The following CD209 variants were observed in gnomAD, a reference collection of about 807,000 sequenced individuals.
CD209 encodes CD209 antigen.
Under a neutral mutation model 44.7 loss-of-function variants are expected in CD209, and 31 were observed. The observed-to-expected ratio is 0.69, with a 90% CI of 0.52 to 0.94. The LOEUF is 0.94. CD209 is among the 40% of genes least tolerant of loss of function. CD209 has a pLI of 0.00. For synonymous variants in CD209, 173 were observed against 181.3 expected (o/e 0.95, Z 0.37); for missense variants, 407 against 452.4 (o/e 0.90, Z 0.91).
At position 7,742,992 on chromosome 19, in the gene CD209, G is replaced by A. The variant is rs768949282; in HGVS notation, c.*47C>T. ...CAGTCCCAGAGATTTTGTGAAGGTC[G>A]AAGGATGGAGAGAAGGAACTGTAGC... On this transcript the variant is annotated 3_prime_UTR_variant, in exon 7 of 7. Coordinates refer to ENST00000315599, the MANE Select transcript of CD209 (RefSeq NM_021155.4). 53 of 1,425,654 alleles carry A rather than the reference G, an allele frequency of 3.7e-5. No homozygotes were observed. The highest frequency in any genetic ancestry group is 3.3e-4 in the South Asian group (29 of 87,366). The allele number at this position is 1,425,654 out of a possible 1,614,324, so 88.3% of individuals were successfully genotyped here. A position where few individuals can be genotyped will look rare whatever the true frequency, so the allele number is the denominator to read the frequency against.
chr19:7,746,640 A>G, intron 2 of CD209, 109 bp from the exon 3 acceptor site: 2 of 1,071,216 alleles, frequency 1.9e-6, no homozygotes, highest in South Asian at 2.7e-5. Context: ...CCCCAGCCCC[A>G]GCCCCCTCCA....
rs376229873 is a variant in CD209 at position 7,745,742 on chromosome 19, C to T, written c.524G>A (p.Arg175Gln). ...KMQEIYQELTRLKAAVGELPE... is the reference protein window; with the variant it reads ...KMQEIYQELTQLKAAVGELPE... ...AAGCTCACCCACTGCAGCCTTCAGC[C>T]GAGTCAGCTCCTGGTAGATCTCCTG... The change falls in exon 4 of 7, where the codon CGG (arginine) becomes CAG (glutamine). Residue 175 changes from arginine (R) to glutamine (Q), a missense_variant. Transcript: ENST00000315599. The T allele has an allele frequency of 1.0e-5, 16 of 1,600,706 alleles. No homozygotes were observed. The highest frequency in any genetic ancestry group is 2.2e-5 in the East Asian group (1 of 44,676).
chr19:7,745,022 G>A lies in CD209; in HGVS notation c.819C>T (p.Ser273=), dbSNP rs1412342169. The A allele has an allele frequency of 6.2e-7, 1 of 1,614,210 alleles. No individual in the cohort carries two copies. Residue 273 remains serine (S), a synonymous_variant, in exon 5 of 7, where the codon TCC becomes TCT. Coordinates refer to ENST00000315599, the MANE Select transcript of CD209 (RefSeq NM_021155.4). ...TGATGGAGTCGTGCCAGTTCCGCTG[G>A]GAGTTAGACATGAAGTAACAGTTTC... ...FQGNCYFMSN[S]QRNWHDSITA...
Position 7,746,500 on chromosome 19 carries a change from T to C in CD209, c.138A>G (p.Gln46=), listed in dbSNP as rs1182392174. The part of the protein sequence containing the change: ...GCLGHGPLVL[Q]LLSFTLLAGL... ...CAGCCAAGAGCGTGAAGGAGAGGAG[T>C]TGCAGCACCAGGGGACCATGGCCAA... The change falls in exon 3 of 7, where the codon CAA becomes CAG. Residue 46 remains glutamine (Q), a synonymous_variant. Coordinates refer to ENST00000315599, the MANE Select transcript of CD209 (RefSeq NM_021155.4). 6.2e-7 allele frequency: 1 copy of C among 1,612,808 alleles called. No homozygotes were observed. The highest frequency in any genetic ancestry group is 2.2e-5 in the East Asian group (1 of 44,828).
At position 7,740,607 on chromosome 19, in the gene CD209, A is replaced by T. The variant is rs1428102433; in HGVS notation, c.*2432T>A. On this transcript the variant is annotated 3_prime_UTR_variant, in exon 7 of 7. Transcript: ENST00000315599. ...CTCACAGAAAGAGGAGGACACTTTT[A>T]TTGAAAAACAACAACTAGAAAAGCT... 8.7e-6 allele frequency: 7 copies of T among 808,282 alleles called. No individual in the cohort carries two copies. The highest frequency in any genetic ancestry group is 1.6e-5 in the Non-Finnish European group (7 of 446,944). The allele number at this position is 808,282 out of a possible 1,614,324, so 50.1% of individuals were successfully genotyped here.
chr19:7,740,818 G>C lies in CD209; in HGVS notation c.*2221C>G. 4.0e-6 allele frequency: 3 copies of C among 757,254 alleles called. No homozygotes were observed. Among genetic ancestry groups the C allele is most frequent in the South Asian group, 1.4e-5 (1 of 71,870 alleles). 46.9% of individuals were successfully genotyped at this position (757,254 alleles called of 1,614,324 possible). On this transcript the variant is annotated 3_prime_UTR_variant, in exon 7 of 7. Coordinates refer to ENST00000315599, the MANE Select transcript of CD209 (RefSeq NM_021155.4). ...GAGAGAGAGGAGGAGGAACAGAAAC[G>C]ACAGAAGAAACAAAAACCGGAAGCT...
Position 7,740,363 on chromosome 19 carries a change from C to T in CD209, c.*2676G>A. On this transcript the variant is annotated 3_prime_UTR_variant, in exon 7 of 7. Transcript: ENST00000315599. ...AAAAACAACTCGCCATTTTATTACACAAAGTTGAACCAGATTGGGCTGAAT... is the reference window on the plus strand; with the variant it reads ...AAAAACAACTCGCCATTTTATTACATAAAGTTGAACCAGATTGGGCTGAAT... 1.8e-6 allele frequency: 1 copy of T among 545,298 alleles called. No homozygotes were observed. The highest frequency in any genetic ancestry group is 3.5e-5 in the East Asian group (1 of 28,616). The allele number at this position is 545,298 out of a possible 1,614,324, so 33.8% of individuals were successfully genotyped here.
In CD209 at chr19:7,745,604, C is replaced by T. The variant is rs41335247; in HGVS notation, c.662G>A (p.Arg221Gln). 3.2e-3 allele frequency: 1,962 copies of T among 617,018 alleles called. 7 individuals are homozygous for T. The African/African-American group carries it at 0.04, about 13-fold the overall frequency. The allele number at this position is 617,018 out of a possible 1,614,324, so 38.2% of individuals were successfully genotyped here. A position where few individuals can be genotyped will look rare whatever the true frequency, so the allele number is the denominator to read the frequency against. The change falls in exon 4 of 7, where the codon CGG becomes CAG. Residue 221 changes from arginine (R) to glutamine (Q), a missense_variant. Transcript: ENST00000315599. ...AAGCTCACCCACTGCAGCCTTCAGCCGGGTCAGCTCCTGGTAGATCTCCTG... is the reference window on the plus strand; with the variant it reads ...AAGCTCACCCACTGCAGCCTTCAGCTGGGTCAGCTCCTGGTAGATCTCCTG... ...KQQEIYQELT[R>Q]LKAAVGELPE...
chr19:7,747,383 A>C lies in CD209; in HGVS notation c.47-18T>G, dbSNP rs551756815. 3 of 1,614,212 alleles carry C rather than the reference A, an allele frequency of 1.9e-6. No homozygotes were observed. The South Asian group carries it at 3.3e-5, about 18-fold the overall frequency. On this transcript the variant is annotated intron_variant, in intron 1 of 6. Transcript: ENST00000315599. ...TTCCTCCTCTGAATGGATAGACGTG[A>C]AATCAGAGCCTGGGCAGGCTGAGGC... is the stretch of plus-strand genomic sequence containing the variant.
rs1323286121 is a variant in CD209 at position 7,740,517 on chromosome 19, G to T, written c.*2522C>A. 2 of 1,154,716 alleles carry T rather than the reference G, an allele frequency of 1.7e-6. No homozygotes were observed. The highest frequency in any genetic ancestry group is 1.7e-5 in the Admixed American group (1 of 58,750). 71.5% of individuals were successfully genotyped at this position (1,154,716 alleles called of 1,614,324 possible). On this transcript the variant is annotated 3_prime_UTR_variant, in exon 7 of 7. Coordinates refer to ENST00000315599, the MANE Select transcript of CD209 (RefSeq NM_021155.4). Reference sequence around the variant, plus strand: ...ACCAAGCCACAAAAAGTACAGGGCCGCCCTGAAGAAGGAGAAACGAAAGAA... The same window carrying T: ...ACCAAGCCACAAAAAGTACAGGGCCTCCCTGAAGAAGGAGAAACGAAAGAA...
At chr19:7,744,252 C>T in intron 5 of CD209, 33 bp from the exon 6 acceptor site, 1 of 1,502,650 alleles carries the variant, frequency 6.7e-7, no homozygotes. Context: ...GGAGGGAGCT[C>T]TGCTTCCCAT....
chr19:7,747,521 C>G lies in CD209; in HGVS notation c.-10G>C, dbSNP rs1290523271. On this transcript the variant is annotated 5_prime_UTR_variant, in exon 1 of 7. Coordinates refer to ENST00000315599, the MANE Select transcript of CD209 (RefSeq NM_021155.4). ...CCTTGGAGTCACTCATGTCACCCCACTCTCCCCCAGTGTCCAGAACTCCTG... is the reference window on the plus strand; with the variant it reads ...CCTTGGAGTCACTCATGTCACCCCAGTCTCCCCCAGTGTCCAGAACTCCTG... The G allele has an allele frequency of 6.2e-7, 1 of 1,614,016 alleles. No homozygotes were observed. The highest frequency in any genetic ancestry group is 8.5e-7 in the Non-Finnish European group (1 of 1,180,018).
Position 7,745,066 on chromosome 19 carries a change from C to T in CD209, c.775G>A (p.Glu259Lys). Residue 259 changes from glutamate to lysine, a missense_variant, in exon 5 of 7, where the codon GAA becomes AAA. By Grantham distance (56) the Glu-to-Lys change is moderately conservative. Transcript: ENST00000315599. ...CAGTTTCCTTGGAAGAATGTCCATT[C>T]CCAGGGACAGGGGTGGCACAGGCGT... ...VERLCHPCPW[E>K]WTFFQGNCYF... 6.2e-7 allele frequency: 1 copy of T among 1,614,192 alleles called. No homozygotes were observed. Among genetic ancestry groups the T allele is most frequent in the Non-Finnish European group, 8.5e-7 (1 of 1,180,026 alleles).
chr19:7,743,310 C>G, intron 6 of CD209, 70 bp from the exon 7 acceptor site: 1 of 1,318,668 alleles, frequency 7.6e-7, no homozygotes, highest in Non-Finnish European at 1.1e-6. Flanking sequence ...TACCTTCTGT[C>G]ATCTTGATGC....
At chr19:7,746,327 G>A (rs1056528728) in intron 3 of CD209, 133 bp downstream of exon 3, 4 of 1,088,662 alleles carry the variant, frequency 3.7e-6, no homozygotes, top group East Asian at 5.0e-5. Context: ...CTGTGGGAGA[G>A]GCCCCTACAG....
chr19:7,740,071 G>A lies in CD209; in HGVS notation c.*2968C>T, dbSNP rs1568504719. On this transcript the variant is annotated 3_prime_UTR_variant, in exon 7 of 7. Coordinates refer to ENST00000315599, the MANE Select transcript of CD209 (RefSeq NM_021155.4). ...TGGCCCAAATCTGTCTCTCCAAGTT[G>A]GAGGCTGGGGCAGATTTTATATACA... 6.4e-6 allele frequency: 1 copy of A among 155,608 alleles called. No homozygotes were observed. The highest frequency in any genetic ancestry group is 1.4e-5 in the Non-Finnish European group (1 of 70,230). The allele number at this position is 155,608 out of a possible 1,614,324, so 9.6% of individuals were successfully genotyped here.
chr19:7,743,337 C>T lies in CD209; in HGVS notation c.1014-97G>A, dbSNP rs187192438. ...TCTTGATGCCTTAACATCTGCCCTG[C>T]GTGTGTATGCTGGACTTGAATCCCT... On this transcript the variant is annotated intron_variant, in intron 6 of 6. Coordinates refer to ENST00000315599, the MANE Select transcript of CD209 (RefSeq NM_021155.4). The T allele has an allele frequency of 6.2e-5, 65 of 1,048,842 alleles. No individual in the cohort carries two copies. In the East Asian group the frequency reaches 6.4e-4, roughly 10 times the overall value. The allele number at this position is 1,048,842 out of a possible 1,614,324, so 65.0% of individuals were successfully genotyped here. A position where few individuals can be genotyped will look rare whatever the true frequency, so the allele number is the denominator to read the frequency against.
At chr19:7,747,176 T>C (rs1405571943) in intron 2 of CD209, 130 bp downstream of exon 2, 1 of 905,878 alleles carries the variant, frequency 1.1e-6, no homozygotes, top group Non-Finnish European at 1.7e-6. Flanking sequence ...CCTCCTCAGG[T>C]CCCAGGAGTC....
chr19:7,742,970 T>C lies in CD209; in HGVS notation c.*69A>G. The C allele has an allele frequency of 8.1e-7, 1 of 1,235,038 alleles. No homozygotes were observed. Among genetic ancestry groups the C allele is most frequent in the East Asian group, 2.3e-5 (1 of 43,088 alleles). 76.5% of individuals were successfully genotyped at this position (1,235,038 alleles called of 1,614,324 possible). ...GGAGGAAGAATCTGACAAAGAACAG[T>C]CCCAGAGATTTTGTGAAGGTCGAAG... On this transcript the variant is annotated 3_prime_UTR_variant, in exon 7 of 7. Coordinates refer to ENST00000315599, the MANE Select transcript of CD209 (RefSeq NM_021155.4).
Sources: allele counts gnomAD v4.1 joint callset, GRCh38; gene constraint gnomAD v4.1.1; transcripts MANE v1.5; gene names NCBI Gene and HGNC (gene_info 2026-07-23, HGNC 2026-07-21).